SYT2: variants seen among roughly 807,000 people sequenced by gnomAD.
The protein encoded by SYT2 is synaptotagmin 2.
A neutral mutation model predicts 39.9 loss-of-function variants in SYT2; 15 were observed. That is an observed-to-expected ratio of 0.38 (90% CI 0.25 to 0.58). SYT2 has a LOEUF of 0.58. Among genes scored for constraint, SYT2 ranks in the 20% least tolerant of loss-of-function variants. The probability of loss-of-function intolerance (pLI) is 0.70; values close to 1 mark genes in which losing one functional copy is unlikely to be tolerated. For synonymous variants in SYT2, 181 were observed against 204.5 expected, an observed-to-expected ratio of 0.89 and a Z score of 0.98; for missense variants, 389 against 530.3, an observed-to-expected ratio of 0.73 and a Z score of 2.62.
chr1:202,674,367 G>A (rs1171656946), intron 1 of SYT2, among the ~76,000 whole-genome samples: 1 of 152,170 alleles, frequency 6.6e-6, no homozygotes, highest in African/African-American at 2.4e-5. Flanking sequence ...TTCCCAAAGT[G>A]CTGGGATTAC....
intron 1 of SYT2, among the ~76,000 whole-genome samples, chr1:202,693,623 G>A (rs1653899889): frequency 6.6e-6 from 1 of 152,166 alleles, no homozygotes. Flanking sequence ...GAGGCTGGAG[G>A]TTTGGAATAA....
At chr1:202,643,761 A>C (rs1692003471) in intron 1 of SYT2, among the ~76,000 whole-genome samples, 1 of 151,934 alleles carries the variant, frequency 6.6e-6, no homozygotes, top group Non-Finnish European at 1.5e-5. Flanking sequence ...GCGCGGTCCT[A>C]CAGAAGTTTG....
chr1:202,646,948 C>T (rs542805834), intron 1 of SYT2, among the ~76,000 whole-genome samples: 28 of 152,326 alleles, frequency 1.8e-4, no homozygotes, highest in Admixed American at 8.5e-4. Context: ...CAGCTCATCC[C>T]CACTGAGGCT....
chr1:202,608,792 A>G (rs2149074926), intron 1 of SYT2, among the ~76,000 whole-genome samples: 1 of 152,268 alleles, frequency 6.6e-6, no homozygotes, highest in Admixed American at 6.5e-5. Flanking sequence ...GGTCATAACT[A>G]TGTTTGACAT....
chr1:202,665,251 G>A (rs181735595), intron 1 of SYT2, among the ~76,000 whole-genome samples: 38 of 152,346 alleles, frequency 2.5e-4, no homozygotes, highest in Non-Finnish European at 4.7e-4. Context: ...CACCTCTTGC[G>A]TAAAGCACAG....
In SYT2 at chr1:202,623,401, T is replaced by G. The variant is rs1348901269; in HGVS notation, c.-17-17612A>C. Among the ~76,000 whole-genome samples, 7 of 152,292 alleles carry G rather than the reference T, an allele frequency of 4.6e-5. No individual in the cohort carries two copies. Among genetic ancestry groups the G allele is most frequent in the African/African-American group, 1.2e-4 (5 of 41,556 alleles). On this transcript the variant is annotated intron_variant, in intron 1 of 8. Transcript: ENST00000367268. The surrounding 1 kb of genome is among the most constrained non-coding windows in gnomAD (Gnocchi z 4.2). Reference sequence around the variant, plus strand: ...CCTCTGGCCCCCAGACAGGCTGCCTTCCCACCTCCTTCTCCAGAGACTCAG... The same window carrying G: ...CCTCTGGCCCCCAGACAGGCTGCCTGCCCACCTCCTTCTCCAGAGACTCAG...
At chr1:202,642,687 G>C (rs1374054163) in intron 1 of SYT2, among the ~76,000 whole-genome samples, 1 of 152,226 alleles carries the variant, frequency 6.6e-6, no homozygotes, top group East Asian at 1.9e-4. Context: ...AAGGCAGCCA[G>C]TCCTGCAAAC....
rs114395659 is a variant in SYT2, at chr1:202,655,370, T to C, written c.-17-49581A>G. ...TCATTTTTACAATGTCATTGTGTTCTGGGTTGTTGTTGTTTTTTTAAATCT... is the reference window on the plus strand; with the variant it reads ...TCATTTTTACAATGTCATTGTGTTCCGGGTTGTTGTTGTTTTTTTAAATCT... On this transcript the variant is annotated intron_variant, in intron 1 of 8. Transcript: ENST00000367268. 6.9e-3 allele frequency among the ~76,000 whole-genome samples: 1,058 copies of C among 152,316 alleles called. 14 individuals are homozygous for C. Among genetic ancestry groups the C allele is most frequent in the African/African-American group, 0.025 (1,028 of 41,562 alleles).
At chr1:202,612,645 G>T (rs924967732) in intron 1 of SYT2, among the ~76,000 whole-genome samples, 1 of 152,184 alleles carries the variant, frequency 6.6e-6, no homozygotes, top group African/African-American at 2.4e-5. Flanking sequence ...GGTACTACAG[G>T]CATGAACCAC....
chr1:202,708,569 C>T (rs1654309219), intron 1 of SYT2, among the ~76,000 whole-genome samples: 1 of 152,078 alleles, frequency 6.6e-6, no homozygotes, highest in African/African-American at 2.4e-5. Flanking sequence ...TCAGTGGGCA[C>T]TGGCCATTTT....
chr1:202,653,422 C>T lies in SYT2; in HGVS notation c.-17-47633G>A, dbSNP rs562752493. Among the ~76,000 whole-genome samples, 5 of 152,350 alleles carry T rather than the reference C, an allele frequency of 3.3e-5. No individual in the cohort carries two copies. The East Asian group carries it at 9.6e-4, about 29-fold the overall frequency. The stretch of plus-strand genomic sequence containing the variant: ...ACTGGCTGGTACTGTTCTCCAGTCA[C>T]TTTGCTTGTACTACCACAGGGGACT... On this transcript the variant is annotated intron_variant, in intron 1 of 8. Transcript: ENST00000367268.
chr1:202,630,030 G>C (rs1558438858), intron 1 of SYT2, among the ~76,000 whole-genome samples: 1 of 152,138 alleles, frequency 6.6e-6, no homozygotes, highest in Admixed American at 6.5e-5. Context: ...AAAGAAGAAA[G>C]CCAGGGAGAT....
chr1:202,641,425 G>A (rs1207891737), intron 1 of SYT2, among the ~76,000 whole-genome samples: 3 of 152,202 alleles, frequency 2.0e-5, no homozygotes, highest in Non-Finnish European at 2.9e-5. Flanking sequence ...ATGTACAGGC[G>A]AGGAAAGCAA....
At chr1:202,691,736 A>G (rs1211199968) in intron 1 of SYT2, among the ~76,000 whole-genome samples, 15 of 44,474 alleles carry the variant, frequency 3.4e-4, no homozygotes, top group South Asian at 9.7e-4. Flanking sequence ...AGGGGGGGAG[A>G]GAGAGAGAGA....
chr1:202,654,283 G>A (rs529779793), intron 1 of SYT2, among the ~76,000 whole-genome samples: 53 of 152,272 alleles, frequency 3.5e-4, no homozygotes, highest in Middle Eastern at 3.4e-3. Flanking sequence ...TCACAGTCAC[G>A]TGACCCAAGA....
chr1:202,684,428 G>A (rs35462367), intron 1 of SYT2, among the ~76,000 whole-genome samples: 72 of 150,454 alleles, frequency 4.8e-4, no homozygotes, highest in Non-Finnish European at 7.5e-4. Flanking sequence ...TTAACATAAT[G>A]TCCTCCAGGT....
chr1:202,691,741 G>C (rs1558463461), intron 1 of SYT2, among the ~76,000 whole-genome samples: 6 of 77,794 alleles, frequency 7.7e-5, no homozygotes, highest in South Asian at 1.1e-3. Flanking sequence ...GGGAGAGAGA[G>C]AGAGAGAGAG....
intron 1 of SYT2, among the ~76,000 whole-genome samples, chr1:202,708,817 C>G (rs1389443839): frequency 1.3e-5 from 2 of 152,344 alleles, no homozygotes; most frequent in African/African-American, 4.8e-5. Flanking sequence ...CTGGGCATGG[C>G]TTTTTTCAGC....
intron 1 of SYT2, among the ~76,000 whole-genome samples, chr1:202,646,048 T>C (rs1420511307): frequency 6.6e-6 from 1 of 152,222 alleles, no homozygotes; most frequent in African/African-American, 2.4e-5. Flanking sequence ...CCCAAGGTCC[T>C]GAGGTAGGTT....
Sources: allele counts gnomAD v4.1 joint callset (sites outside exome capture counted in the v4.1 genomes callset), GRCh38; gene constraint gnomAD v4.1.1; non-coding constraint Gnocchi (gnomAD v3.1); transcripts MANE v1.5; gene names NCBI Gene and HGNC (gene_info 2026-07-23, HGNC 2026-07-21).